Variants in NOTCH2 observed in about 807,000 individuals in gnomAD.
The protein encoded by NOTCH2 is notch receptor 2, also known as neurogenic locus notch homolog protein 2.
A neutral mutation model predicts 235.8 loss-of-function variants in NOTCH2; 29 were observed. The observed-to-expected ratio is 0.12, with a 90% CI of 0.09 to 0.17. The LOEUF is 0.17. Among genes scored for constraint, NOTCH2 ranks in the 10% least tolerant of loss-of-function variants. NOTCH2 has a pLI of 1.00. For synonymous variants in NOTCH2, 1,086 were observed against 1,141.5 expected (o/e 0.95, Z 0.98); for missense variants, 2,285 against 3,150.2 (o/e 0.73, Z 6.57).
intron 4 of NOTCH2, among the ~76,000 whole-genome samples, chr1:119,988,454 CTA>C (rs1380897853): frequency 6.6e-6 from 1 of 152,120 alleles, no homozygotes; most frequent in Admixed American, 6.6e-5. Flanking sequence ...CTGAAAAAGA[CTA>C]TGAAAATTTA....
In NOTCH2 at chr1:119,913,708, C is replaced by T. The variant is rs1426462777; in HGVS notation, c.*1598G>A. The T allele has an allele frequency of 8.6e-6, 2 of 233,092 alleles. No individual in the cohort carries two copies. Among genetic ancestry groups the T allele is most frequent in the African/African-American group, 4.4e-5 (2 of 45,320 alleles). 14.4% of individuals were successfully genotyped at this position (233,092 alleles called of 1,614,324 possible). On this transcript the variant is annotated 3_prime_UTR_variant, in exon 34 of 34. Coordinates refer to ENST00000256646, the MANE Select transcript of NOTCH2 (RefSeq NM_024408.4). Reference sequence around the variant, plus strand: ...CAATCAGTCTGAACAATGAGCAAGTCTATAGTTGTCCATTATCATCTAAAA... The same window carrying T: ...CAATCAGTCTGAACAATGAGCAAGTTTATAGTTGTCCATTATCATCTAAAA...
At chr1:119,955,541 G>A (rs1650658006) in intron 12 of NOTCH2, among the ~76,000 whole-genome samples, 1 of 152,196 alleles carries the variant, frequency 6.6e-6, no homozygotes, top group Admixed American at 6.5e-5. Flanking sequence ...AATGTCAAAT[G>A]TTACCAAAGA....
chr1:119,925,203 G>C, intron 25 of NOTCH2, 102 bp downstream of exon 25: 5 of 1,449,390 alleles, frequency 3.4e-6, no homozygotes, highest in East Asian at 4.5e-5. Flanking sequence ...GAAAAGCAGA[G>C]GCAGCTTAGG....
chr1:119,985,718 T>A (rs988761278), intron 5 of NOTCH2, among the ~76,000 whole-genome samples: 1 of 152,190 alleles, frequency 6.6e-6, no homozygotes, highest in Non-Finnish European at 1.5e-5. Flanking sequence ...CTATATGTCA[T>A]GTAATTAACT....
chr1:119,961,965 G>A (rs1181490563), intron 11 of NOTCH2, among the ~76,000 whole-genome samples: 1 of 152,074 alleles, frequency 6.6e-6, no homozygotes, highest in East Asian at 1.9e-4. Context: ...CCTGATACAT[G>A]CCAGGTCTTT....
chr1:119,911,901 G>C lies in NOTCH2; in HGVS notation c.*3405C>G, dbSNP rs1334875634. On this transcript the variant is annotated 3_prime_UTR_variant, in exon 34 of 34. Coordinates refer to ENST00000256646, the MANE Select transcript of NOTCH2 (RefSeq NM_024408.4). ...TTTTTCCCCAGGATCATTTATTTAT[G>C]ATCTAATTAAAGGAAGAAAAAAAGA... 4.3e-6 allele frequency: 1 copy of C among 233,012 alleles called. No individual in the cohort carries two copies. Among genetic ancestry groups the C allele is most frequent in the Non-Finnish European group, 8.5e-6 (1 of 118,024 alleles). 14.4% of individuals were successfully genotyped at this position (233,012 alleles called of 1,614,324 possible). A position where few individuals can be genotyped will look rare whatever the true frequency, so the allele number is the denominator to read the frequency against.
chr1:120,028,111 C>T (rs1348107419), intron 2 of NOTCH2, among the ~76,000 whole-genome samples: 1 of 105,034 alleles, frequency 9.5e-6, no homozygotes, highest in Non-Finnish European at 1.9e-5. Flanking sequence ...AGATAAGAAA[C>T]ATGTGCATGA....
intron 5 of NOTCH2, among the ~76,000 whole-genome samples, chr1:119,975,041 C>T (rs952134229): frequency 1.4e-4 from 21 of 152,110 alleles, no homozygotes; most frequent in Admixed American, 1.2e-3. Flanking sequence ...TAGCAACTTG[C>T]CCAACTTTGC....
intron 1 of NOTCH2, among the ~76,000 whole-genome samples, chr1:120,051,261 A>ACACG (rs1337641836): frequency 9.7e-6 from 1 of 103,158 alleles, no homozygotes; most frequent in East Asian, 2.2e-4. Flanking sequence ...ACACACACAC[A>ACACG]CACACACACA....
chr1:119,996,794 C>T, intron 4 of NOTCH2: 1 of 812,312 alleles, frequency 1.2e-6, no homozygotes. Context: ...TCATCATAAA[C>T]CCTGACATGC....
chr1:119,967,395 C>T, intron 8 of NOTCH2, 38 bp downstream of exon 8: 1 of 1,584,624 alleles, frequency 6.3e-7, no homozygotes, highest in Non-Finnish European at 8.7e-7. Flanking sequence ...AGAACAGTCC[C>T]TCCTCTCTAG....
chr1:120,069,370 G>A lies in NOTCH2; in HGVS notation c.37C>T (p.Leu13=), dbSNP rs1452646765. ...ALRPALLWAL[L]ALWLCCAAPA... Reference sequence around the variant, plus strand: ...GCCGCGCAGCACAGCCAGAGCGCCAGCAGCGCCCACAGCAGAGCGGGGCGC... The same window carrying A: ...GCCGCGCAGCACAGCCAGAGCGCCAACAGCGCCCACAGCAGAGCGGGGCGC... Residue 13 remains leucine, a synonymous_variant, in exon 1 of 34, where the codon CTG becomes TTG. Transcript: ENST00000256646. 1.3e-6 allele frequency: 2 copies of A among 1,570,942 alleles called. No individual in the cohort carries two copies. Among genetic ancestry groups the A allele is most frequent in the African/African-American group, 1.4e-5 (1 of 73,568 alleles).
chr1:119,950,762 A>T lies in NOTCH2; in HGVS notation c.2441T>A (p.Ile814Lys), dbSNP rs1557818366. 6.2e-7 allele frequency: 1 copy of T among 1,614,110 alleles called. No individual in the cohort carries two copies. Among genetic ancestry groups the T allele is most frequent in the East Asian group, 2.2e-5 (1 of 44,888 alleles). ...CACACAGTGGCAAGTGTAGCCACTTATGTCATCAAAGCAGGTTCCTTGGTT... is the reference window on the plus strand; with the variant it reads ...CACACAGTGGCAAGTGTAGCCACTTTTGTCATCAAAGCAGGTTCCTTGGTT... ...CLNQGTCFDD[I>K]SGYTCHCVLP... The change falls in exon 15 of 34, where the codon ATA becomes AAA. Residue 814 changes from isoleucine to lysine, a missense_variant. Physicochemically the swap from Ile to Lys is moderately radical, Grantham distance 102 (BLOSUM62 -3). This residue lies in a region of NOTCH2 where 1,173 missense variants were observed against 1,515.3 expected (regional missense o/e 0.77). Transcript: ENST00000256646.
rs782682302 is a variant in NOTCH2, at chr1:119,928,988, T to C, written c.3880A>G (p.Ser1294Gly). Residue 1294 changes from serine to glycine, a missense_variant, in exon 23 of 34, where the codon AGT becomes GGT. Around this residue, in one of 6 missense-constraint regions of NOTCH2, gnomAD observed 1,173 missense variants for 1,515.3 expected, o/e 0.77. Transcript: ENST00000256646. ...GAGAGCTTCTCACCAGTAAAGGCAC[T>C]ACGGCAAACACACAGGTAGTCATTG... is the stretch of plus-strand genomic sequence containing the variant. ...LTNDYLCVCR[S>G]AFTGRHCETF... 6.2e-7 allele frequency: 1 copy of C among 1,614,090 alleles called. No individual in the cohort carries two copies. Among genetic ancestry groups the C allele is most frequent in the East Asian group, 2.2e-5 (1 of 44,876 alleles).
rs782056928 is a variant in NOTCH2, at chr1:119,948,465, G to T, written c.2701C>A (p.Pro901Thr). Reference sequence around the variant, plus strand: ...TCACAGTCCATACCACTGAAGCCTGGTGGACATTCACACATGTAGCTGCCC... The same window carrying T: ...TCACAGTCCATACCACTGAAGCCTGTTGGACATTCACACATGTAGCTGCCC... ...TQGSYMCECPPGFSGMDCEED... is the reference protein window; with the variant it reads ...TQGSYMCECPTGFSGMDCEED... Residue 901 changes from proline to threonine, a missense_variant, in exon 17 of 34, where the codon CCA (proline) becomes ACA (threonine). Physicochemically the swap from Pro to Thr is conservative, Grantham distance 38. Transcript: ENST00000256646. 5 of 1,614,168 alleles carry T rather than the reference G, an allele frequency of 3.1e-6. No individual in the cohort carries two copies. Among genetic ancestry groups the T allele is most frequent in the Non-Finnish European group, 4.2e-6 (5 of 1,180,040 alleles).
Position 119,915,864 on chromosome 1 carries a change from G to A in NOTCH2, c.6858C>T (p.Ser2286=), listed in dbSNP as rs777785903. 2.5e-6 allele frequency: 4 copies of A among 1,614,204 alleles called. No individual in the cohort carries two copies. The highest frequency in any genetic ancestry group is 3.4e-6 in the Non-Finnish European group (4 of 1,180,038). The part of the protein sequence containing the change: ...EGTHPGIAPQ[S]RPPEGKHITT... ...TTATGTGCTTCCCTTCAGGTGGCCT[G>A]CTCTGGGGAGCTATGCCAGGATGGG... The change falls in exon 34 of 34, where the codon AGC becomes AGT. Residue 2286 remains serine (S), a synonymous_variant. Transcript: ENST00000256646.
intron 5 of NOTCH2, among the ~76,000 whole-genome samples, chr1:119,982,728 A>T (rs1168087650): frequency 1.3e-5 from 2 of 152,234 alleles, no homozygotes; most frequent in Admixed American, 6.5e-5. Context: ...GAAGTAAATC[A>T]TCTCCCCACA....
chr1:119,948,314 A>G, intron 17 of NOTCH2, 100 bp downstream of exon 17: 8 of 1,269,024 alleles, frequency 6.3e-6, no homozygotes, highest in Non-Finnish European at 9.2e-6. Context: ...CGGTATGCCC[A>G]ATGTCAGGCG....
intron 4 of NOTCH2, among the ~76,000 whole-genome samples, chr1:119,987,616 C>A (rs1344383059): frequency 6.6e-6 from 1 of 152,156 alleles, no homozygotes; most frequent in Non-Finnish European, 1.5e-5. Flanking sequence ...ATCTCACCAC[C>A]TGCAAGCTAT....
Sources: allele counts gnomAD v4.1 joint callset (sites outside exome capture counted in the v4.1 genomes callset), GRCh38; gene constraint gnomAD v4.1.1; regional missense constraint gnomAD v4.1.1; transcripts MANE v1.5; gene names NCBI Gene and HGNC (gene_info 2026-07-23, HGNC 2026-07-21).